The following CPED1 variants were observed in gnomAD, a reference collection of about 807,000 sequenced individuals.
CPED1 encodes cadherin-like and PC-esterase domain-containing protein 1.
In CPED1, 114 loss-of-function variants were observed where a neutral mutation model predicts 128.2. That is an observed-to-expected ratio of 0.89 (90% confidence interval 0.76 to 1.04). The LOEUF (loss-of-function observed/expected upper bound fraction) is 1.04, where lower values mean the gene tolerates loss of function less well. Among genes scored for constraint, CPED1 ranks in the 50% least tolerant of loss-of-function variants. CPED1 has a pLI of 0.00. For missense variants in CPED1, 1,211 were observed against 1,207.1 expected (o/e 1.00, Z -0.05); for synonymous variants, 462 against 426.7 (o/e 1.08, Z -1.02).
intron 4 of CPED1, among the ~76,000 whole-genome samples, chr7:121,047,462 T>TA (rs1428776707): frequency 2.0e-5 from 3 of 152,072 alleles, no homozygotes; most frequent in Admixed American, 6.5e-5. Context: ...AAAACTTAAC[T>TA]AAAAAAATCC....
intron 16 of CPED1, among the ~76,000 whole-genome samples, chr7:121,158,772 T>C (rs1796347675): frequency 6.6e-6 from 1 of 152,240 alleles, no homozygotes; most frequent in East Asian, 1.9e-4. Context: ...CTATTAATAA[T>C]AAGAAACGAT....
chr7:121,176,215 A>AC lies in CPED1; in HGVS notation c.2055+34074_2055+34075insC, dbSNP rs1563055263. Among the ~76,000 whole-genome samples, 459 of 137,204 alleles carry AC rather than the reference A, an allele frequency of 3.3e-3. 4 individuals are homozygous for AC. Among genetic ancestry groups the AC allele is most frequent in the African/African-American group, 0.012 (443 of 37,930 alleles). 90.0% of individuals were successfully genotyped at this position (137,204 alleles called of 152,430 possible). A position where few individuals can be genotyped will look rare whatever the true frequency, so the allele number is the denominator to read the frequency against. ...CTGGAAAAAAAAAAAAAAAAAAAAA[A>AC]ACACCTCTGGAAATAACTTGAATTG... On this transcript the variant is annotated intron_variant, in intron 16 of 22. Coordinates refer to ENST00000310396, the MANE Select transcript of CPED1 (RefSeq NM_024913.5).
At chr7:121,192,884 C>T (rs1797177585) in intron 16 of CPED1, among the ~76,000 whole-genome samples, 1 of 152,088 alleles carries the variant, frequency 6.6e-6, no homozygotes, top group African/African-American at 2.4e-5. Flanking sequence ...TGAGGAGAAG[C>T]AGAGCACTTC....
At chr7:121,220,566 G>T (rs1020862969) in intron 16 of CPED1, among the ~76,000 whole-genome samples, 15 of 151,936 alleles carry the variant, frequency 9.9e-5, no homozygotes, top group Admixed American at 8.5e-4. Context: ...ATAATTTATG[G>T]TAATTTGTCA....
chr7:121,137,189 A>T (rs1795803617), intron 14 of CPED1, among the ~76,000 whole-genome samples: 1 of 151,832 alleles, frequency 6.6e-6, no homozygotes, highest in South Asian at 2.1e-4. Context: ...TTTATTTATT[A>T]TAGATAGGAT....
At chr7:121,271,487 G>T (rs1325304473) in intron 22 of CPED1, 57 bp downstream of exon 22, 23 of 1,519,678 alleles carry the variant, frequency 1.5e-5, no homozygotes, top group East Asian at 2.3e-5. Flanking sequence ...ATTGTTTGTT[G>T]TATCTTTAAT....
intron 12 of CPED1, among the ~76,000 whole-genome samples, chr7:121,131,448 A>G (rs986190237): frequency 2.6e-5 from 4 of 151,496 alleles, no homozygotes; most frequent in Non-Finnish European, 4.4e-5. Flanking sequence ...TTTATTATAG[A>G]TGGGTGAAAA....
intron 2 of CPED1, among the ~76,000 whole-genome samples, chr7:120,994,657 G>GTTGT (rs1554418493): frequency 0.2 from 29,239 of 149,024 alleles, 3,086 homozygotes; most frequent in African/African-American, 0.22. Context: ...GTGTGTGTGT[G>GTTGT]TGTTGTTGTT....
chr7:120,996,257 C>G, intron 2 of CPED1, among the ~76,000 whole-genome samples: 1 of 151,800 alleles, frequency 6.6e-6, no homozygotes. Flanking sequence ...GCACTCCAGC[C>G]TAGGTGACAG....
chr7:121,295,576 A>G lies in CPED1; in HGVS notation c.3005A>G (p.His1002Arg), dbSNP rs777004852. ...GTAACAAATTTTCGATCGCCATATC[A>G]TGTCAGAGGTCCAATAAATCAGGTT... ...GTVTNFRSPY[H>R]VRGPINQVCS... The change falls in exon 23 of 23, where the codon CAT becomes CGT. Residue 1002 changes from histidine to arginine, a missense_variant. His to Arg is a conservative substitution (Grantham distance 29, BLOSUM62 0). Coordinates refer to ENST00000310396, the MANE Select transcript of CPED1 (RefSeq NM_024913.5). 8 of 1,613,974 alleles carry G rather than the reference A, an allele frequency of 5.0e-6. No individual in the cohort carries two copies. Among genetic ancestry groups the G allele is most frequent in the Non-Finnish European group, 5.9e-6 (7 of 1,179,950 alleles).
At chr7:121,004,099 C>T (rs1791941606) in intron 2 of CPED1, among the ~76,000 whole-genome samples, 2 of 152,186 alleles carry the variant, frequency 1.3e-5, no homozygotes, top group Admixed American at 1.3e-4. Context: ...TGGAGCCGAT[C>T]TTTACTGCCC....
chr7:121,180,769 T>C (rs1027662848), intron 16 of CPED1, among the ~76,000 whole-genome samples: 6 of 152,064 alleles, frequency 3.9e-5, no homozygotes, highest in African/African-American at 1.4e-4. Context: ...GGCTTTAAAA[T>C]TAATACCTCA....
At chr7:121,244,435 C>A in intron 18 of CPED1, 97 bp downstream of exon 18, 1 of 1,279,960 alleles carries the variant, frequency 7.8e-7, no homozygotes, top group Non-Finnish European at 1.1e-6. Context: ...CCTGCTGTCT[C>A]ACAGCAGAGG....
chr7:121,047,108 A>T (rs1793219888), intron 4 of CPED1, 115 bp downstream of exon 4: 3 of 607,684 alleles, frequency 4.9e-6, no homozygotes, highest in Admixed American at 3.2e-5. Context: ...GTATCTATGG[A>T]GAATCTTCCA....
In CPED1 at chr7:120,989,782, C is replaced by T. The variant is rs1415661970; in HGVS notation, c.161C>T (p.Thr54Ile). The T allele has an allele frequency of 1.2e-6, 2 of 1,613,912 alleles. No homozygotes were observed. Among genetic ancestry groups the T allele is most frequent in the Non-Finnish European group, 1.7e-6 (2 of 1,180,046 alleles). ...CCTGGGGCTGTCCCACACACATCCA[C>T]TGAAACCCAGGCAAGCAGATGCAAG... The part of the protein sequence containing the change: ...AAPGAVPHTS[T>I]ETQASRCKKG... The change falls in exon 2 of 23, where the codon ACT becomes ATT. Residue 54 changes from threonine to isoleucine, a missense_variant. Thr to Ile is a moderately conservative substitution (Grantham distance 89, BLOSUM62 -1). Transcript: ENST00000310396.
intron 18 of CPED1, among the ~76,000 whole-genome samples, chr7:121,247,443 C>A (rs79256992): frequency 0.015 from 2,245 of 152,264 alleles, 30 homozygotes; most frequent in Non-Finnish European, 0.024. Flanking sequence ...TGAGAGAGAT[C>A]AAGGTTTCAA....
intron 4 of CPED1, among the ~76,000 whole-genome samples, chr7:121,060,296 G>A (rs942990358): frequency 2.6e-5 from 4 of 152,236 alleles, no homozygotes; most frequent in African/African-American, 9.6e-5. Context: ...CAGTCCCATC[G>A]ACCACCCAAG....
intron 3 of CPED1, among the ~76,000 whole-genome samples, chr7:121,016,742 C>A (rs542667953): frequency 1.3e-5 from 2 of 152,310 alleles, no homozygotes; most frequent in East Asian, 3.9e-4. Flanking sequence ...ATTTTGAGAG[C>A]TACAATAATG....
intron 2 of CPED1, among the ~76,000 whole-genome samples, chr7:120,997,174 G>A (rs1796420475): frequency 6.6e-6 from 1 of 152,172 alleles, no homozygotes; most frequent in African/African-American, 2.4e-5. Flanking sequence ...CATTATAGCA[G>A]CCCTTATCTC....
Sources: gnomAD v4.1 joint callset for allele counts (sites outside exome capture counted in the v4.1 genomes callset) on GRCh38, gnomAD v4.1.1 for gene constraint, MANE v1.5 for transcripts, NCBI Gene and HGNC (gene_info 2026-07-23, HGNC 2026-07-21) for gene names.